DORIP1: variants seen among roughly 807,000 people sequenced by gnomAD.
DORIP1 encodes the protein dopamine receptor interacting protein 1, also known as dopamine receptor-interacting protein 1.
chr14:44,903,689 T>G, the DORIP1 span: 2 of 978,374 alleles, frequency 2.0e-6, no homozygotes, highest in Non-Finnish European at 2.4e-6. Context: ...CTCTTAAAAT[T>G]TTCTGTGACT....
the DORIP1 span, chr14:44,900,556 G>A: frequency 4.7e-5 from 76 of 1,609,666 alleles, no homozygotes; most frequent in Non-Finnish European, 6.3e-5. Context: ...TGGCCGCAAA[G>A]CAGTATCCTG....
the DORIP1 span, among the ~76,000 whole-genome samples, chr14:44,901,239 AAGGTTAT>A: frequency 6.6e-6 from 1 of 152,210 alleles, no homozygotes; most frequent in Non-Finnish European, 1.5e-5. Flanking sequence ...CGGTGTGTAA[AAGGTTAT>A]ACCATCTAGT....
At chr14:44,906,181 A>G in the DORIP1 span, 7 of 151,824 alleles carry the variant, frequency 4.6e-5, no homozygotes, top group Non-Finnish European at 8.8e-5. Flanking sequence ...CTAAAGTATT[A>G]TAAACCTGCC....
the DORIP1 span, chr14:44,903,510 C>G: frequency 3.5e-6 from 4 of 1,148,766 alleles, no homozygotes; most frequent in South Asian, 7.9e-5. Flanking sequence ...TTTCCCCCCC[C>G]ACTGCTGAGT....
chr14:44,904,376 T>C, the DORIP1 span: 1 of 1,606,564 alleles, frequency 6.2e-7, no homozygotes, highest in Non-Finnish European at 8.5e-7. Context: ...ATAATGTTCA[T>C]GCCTGTTTTC....
chr14:44,903,477 T>C, the DORIP1 span: 1 of 1,245,246 alleles, frequency 8.0e-7, no homozygotes, highest in Non-Finnish European at 1.0e-6. Flanking sequence ...GATTGATGAA[T>C]ACAAAGCAAA....
the DORIP1 span, chr14:44,904,016 C>T: frequency 1.0e-6 from 1 of 982,010 alleles, no homozygotes; most frequent in Non-Finnish European, 1.2e-6. Context: ...TGCTTATAGT[C>T]GAGTCTAATG....
chr14:44,907,096 T>C, the DORIP1 span: 1 of 152,650 alleles, frequency 6.6e-6, no homozygotes, highest in East Asian at 1.9e-4. Context: ...CTAATGCAGA[T>C]TTATTCTTTC....
At chr14:44,901,497 C>G in the DORIP1 span, among the ~76,000 whole-genome samples, 1 of 152,180 alleles carries the variant, frequency 6.6e-6, no homozygotes, top group African/African-American at 2.4e-5. Context: ...TTTACAAAAC[C>G]AGCTGATAAC....
the DORIP1 span, chr14:44,903,147 T>C: frequency 1.2e-5 from 15 of 1,225,230 alleles, no homozygotes; most frequent in Middle Eastern, 2.6e-4. Flanking sequence ...AAATTTGTTA[T>C]AATATATTAA....
the DORIP1 span, among the ~76,000 whole-genome samples, chr14:44,897,886 G>A: frequency 6.6e-6 from 1 of 152,202 alleles, no homozygotes; most frequent in Non-Finnish European, 1.5e-5. Context: ...GCGCGTGGCT[G>A]TACAGGCGTA....
the DORIP1 span, chr14:44,900,381 T>G: frequency 5.1e-6 from 7 of 1,363,954 alleles, no homozygotes; most frequent in East Asian, 1.7e-4. Context: ...TATTATGCAT[T>G]TAATATACAA....
At chr14:44,897,468 G>GGCA in the DORIP1 span, 8 of 212,408 alleles carry the variant, frequency 3.8e-5, no homozygotes, top group Admixed American at 1.9e-4. Context: ...TCATAGATGA[G>GGCA]GCAGCGGCGG....
chr14:44,897,558 TC>T, the DORIP1 span: 1 of 187,976 alleles, frequency 5.3e-6, no homozygotes, highest in Non-Finnish European at 1.1e-5. Context: ...CAGTTTTCGG[TC>T]CCCAGGGAGG....
At chr14:44,898,368 T>C in the DORIP1 span, among the ~76,000 whole-genome samples, 1 of 152,334 alleles carries the variant, frequency 6.6e-6, no homozygotes, top group African/African-American at 2.4e-5. Flanking sequence ...TATGTCATTA[T>C]AGTTTAATTC....
chr14:44,899,544 ATTAGTC>A, the DORIP1 span, among the ~76,000 whole-genome samples: 20 of 152,068 alleles, frequency 1.3e-4, no homozygotes, highest in Non-Finnish European at 2.6e-4. Context: ...AAATGTCAGA[ATTAGTC>A]TTAGTCTATA....
At chr14:44,899,908 C>T in the DORIP1 span, among the ~76,000 whole-genome samples, 3 of 149,376 alleles carry the variant, frequency 2.0e-5, no homozygotes, top group East Asian at 2.0e-4. Flanking sequence ...CTCGGCTCAC[C>T]GCAACCTCCG....
the DORIP1 span, chr14:44,904,269 A>G: frequency 1.4e-6 from 2 of 1,447,788 alleles, no homozygotes; most frequent in Non-Finnish European, 1.8e-6. Flanking sequence ...AACTATAGGT[A>G]TTAACCATTA....
the DORIP1 span, chr14:44,904,481 C>G: frequency 1.2e-6 from 2 of 1,612,062 alleles, no homozygotes; most frequent in South Asian, 1.1e-5. Context: ...CATTGGAAAT[C>G]TGAAGATCTG....
Sources: gnomAD v4.1 joint callset for allele counts (sites outside exome capture counted in the v4.1 genomes callset) on GRCh38, gnomAD v4.1.1 for gene constraint, MANE v1.5 for transcripts, NCBI Gene and HGNC (gene_info 2026-07-23, HGNC 2026-07-21) for gene names.